The following KSR2 variants were observed in gnomAD, a reference collection of about 807,000 sequenced individuals.
KSR2 encodes kinase suppressor of ras 2.
A neutral mutation model predicts 107.8 loss-of-function variants in KSR2; 25 were observed. That is an observed-to-expected ratio of 0.23 (90% CI 0.17 to 0.32). The LOEUF (loss-of-function observed/expected upper bound fraction) is 0.32. Ranked by LOEUF, KSR2 falls within the 10% of genes least tolerant of loss-of-function variation. KSR2 has a pLI of 1.00. For synonymous variants in KSR2, 480 were observed against 507.0 expected, an observed-to-expected ratio of 0.95 and a Z score of 0.71; for missense variants, 887 against 1,268.9, an observed-to-expected ratio of 0.70 and a Z score of 4.57.
At chr12:117,913,649 C>T (rs1284200065) in intron 1 of KSR2, among the ~76,000 whole-genome samples, 1 of 152,074 alleles carries the variant, frequency 6.6e-6, no homozygotes. Flanking sequence ...AGCCAAGGAA[C>T]GTGAGGAGCC....
chr12:117,516,468 T>G (rs1874383984), intron 14 of KSR2, among the ~76,000 whole-genome samples: 1 of 152,210 alleles, frequency 6.6e-6, no homozygotes, highest in Non-Finnish European at 1.5e-5. Flanking sequence ...AAAGATGTTT[T>G]GGCACCTGAG....
chr12:117,585,674 T>C (rs748439572), intron 5 of KSR2, among the ~76,000 whole-genome samples: 17 of 152,218 alleles, frequency 1.1e-4, no homozygotes, highest in Admixed American at 3.3e-4. Context: ...CCAGGCCTTA[T>C]CATAACAGAG....
chr12:117,768,870 C>T (rs1889338751), intron 3 of KSR2, among the ~76,000 whole-genome samples: 1 of 152,226 alleles, frequency 6.6e-6, no homozygotes. Flanking sequence ...TTGCTCGAGG[C>T]CACAGAGCCT....
At chr12:117,635,986 T>G (rs1883052460) in intron 5 of KSR2, among the ~76,000 whole-genome samples, 1 of 152,194 alleles carries the variant, frequency 6.6e-6, no homozygotes, top group Admixed American at 6.5e-5. Flanking sequence ...GAGATAGGGT[T>G]TCTCCATGTT....
chr12:117,751,059 T>C (rs1226281072), intron 4 of KSR2, among the ~76,000 whole-genome samples: 1 of 152,184 alleles, frequency 6.6e-6, no homozygotes, highest in Non-Finnish European at 1.5e-5. Context: ...TCACATGTCG[T>C]GGGATGGACC....
intron 1 of KSR2, among the ~76,000 whole-genome samples, chr12:117,948,364 C>A (rs1896262005): frequency 6.6e-6 from 1 of 152,096 alleles, no homozygotes; most frequent in South Asian, 2.1e-4. Context: ...TTGGCGTGTG[C>A]CTGTAACCCC....
intron 10 of KSR2, among the ~76,000 whole-genome samples, chr12:117,534,146 C>T (rs1326493833): frequency 6.6e-6 from 1 of 152,026 alleles, no homozygotes; most frequent in Non-Finnish European, 1.5e-5. Flanking sequence ...GCAGCTTCCC[C>T]TCTGGAGCCC....
chr12:117,925,536 T>C (rs755929181), intron 1 of KSR2, among the ~76,000 whole-genome samples: 1 of 152,240 alleles, frequency 6.6e-6, no homozygotes, highest in Non-Finnish European at 1.5e-5. Context: ...TTTAATCAAT[T>C]ACTGAGTTGT....
intron 18 of KSR2, among the ~76,000 whole-genome samples, chr12:117,470,456 A>C (rs757514881): frequency 6.6e-6 from 1 of 152,186 alleles, no homozygotes; most frequent in African/African-American, 2.4e-5. Flanking sequence ...TCTGAGCCCA[A>C]ATAACAACCA....
At chr12:117,613,407 G>A (rs1024963890) in intron 5 of KSR2, among the ~76,000 whole-genome samples, 2 of 152,112 alleles carry the variant, frequency 1.3e-5, no homozygotes, top group Admixed American at 1.3e-4. Flanking sequence ...TACTGGCCCT[G>A]TCTAAGTTGT....
chr12:117,702,241 C>A (rs1481311132), intron 4 of KSR2, among the ~76,000 whole-genome samples: 1 of 152,220 alleles, frequency 6.6e-6, no homozygotes, highest in Non-Finnish European at 1.5e-5. Context: ...GTTACAGGCC[C>A]TCCCAACACC....
intron 3 of KSR2, among the ~76,000 whole-genome samples, chr12:117,848,319 C>T (rs1490698712): frequency 6.6e-6 from 1 of 152,236 alleles, no homozygotes; most frequent in Non-Finnish European, 1.5e-5. Context: ...GGAAGGGACC[C>T]TGCTGTCCTC....
At chr12:117,937,971 GAA>G (rs771959105) in intron 1 of KSR2, among the ~76,000 whole-genome samples, 2 of 53,954 alleles carry the variant, frequency 3.7e-5, no homozygotes. Flanking sequence ...TCTGTCTCAA[GAA>G]AAAAAAAAAA....
At chr12:117,739,119 G>A (rs1224536851) in intron 4 of KSR2, among the ~76,000 whole-genome samples, 8 of 152,198 alleles carry the variant, frequency 5.3e-5, no homozygotes, top group Non-Finnish European at 1.2e-4. Context: ...ACTTTTGGAG[G>A]CCAAGGTGGG....
At chr12:117,950,871 G>A (rs574519122) in intron 1 of KSR2, among the ~76,000 whole-genome samples, 2 of 151,762 alleles carry the variant, frequency 1.3e-5, no homozygotes, top group East Asian at 3.9e-4. Context: ...AAGTGTGAGA[G>A]TATTTAAGGA....
intron 1 of KSR2, among the ~76,000 whole-genome samples, chr12:117,921,798 G>A (rs17511967): frequency 2.6e-5 from 4 of 152,054 alleles, no homozygotes; most frequent in Non-Finnish European, 4.4e-5. Flanking sequence ...TTGGGCTCAC[G>A]TACCCCTTTT....
intron 1 of KSR2, among the ~76,000 whole-genome samples, chr12:117,889,994 G>A (rs1894291511): frequency 6.6e-6 from 1 of 152,170 alleles, no homozygotes; most frequent in Admixed American, 6.5e-5. Flanking sequence ...GCCTTGGAGG[G>A]CTTGTGAAAA....
intron 14 of KSR2, among the ~76,000 whole-genome samples, chr12:117,522,459 A>G (rs1262158788): frequency 6.6e-6 from 1 of 152,160 alleles, no homozygotes; most frequent in Non-Finnish European, 1.5e-5. Flanking sequence ...ATCCCAAGTA[A>G]TAGGCTATTG....
At position 117,874,595 on chromosome 12, in the gene KSR2, G is replaced by A. The variant is rs118170064; in HGVS notation, c.181-14164C>T. 9.9e-5 allele frequency among the ~76,000 whole-genome samples: 15 copies of A among 152,238 alleles called. No homozygotes were observed. The East Asian group carries it at 2.3e-3, about 24-fold the overall frequency. ...CCTTGGAATTGCTGGAATTGTGCCC[G>A]TGATCACACAGATAAAGCAGCATCG... is the stretch of plus-strand genomic sequence containing the variant. On this transcript the variant is annotated intron_variant, in intron 1 of 19. Coordinates refer to ENST00000339824, the MANE Select transcript of KSR2 (RefSeq NM_173598.6).
Sources: gnomAD v4.1 joint callset for allele counts (sites outside exome capture counted in the v4.1 genomes callset) on GRCh38, gnomAD v4.1.1 for gene constraint, MANE v1.5 for transcripts, NCBI Gene and HGNC (gene_info 2026-07-23, HGNC 2026-07-21) for gene names.